FKBP5: variants seen among roughly 807,000 people sequenced by gnomAD.
The protein encoded by FKBP5 is FKBP prolyl isomerase 5.
A neutral mutation model predicts 50.5 loss-of-function variants in FKBP5; 23 were observed. The ratio of observed to expected loss-of-function variants is 0.46; its 90% CI spans 0.33 to 0.65. FKBP5 has a LOEUF of 0.65. FKBP5 is among the 30% of genes least tolerant of loss of function. FKBP5 has a pLI of 0.02. For synonymous variants in FKBP5, 176 were observed against 190.6 expected (o/e 0.92, Z 0.63); for missense variants, 411 against 553.1 (o/e 0.74, Z 2.58).
At chr6:35,589,886 G>A (rs550701275) in intron 7 of FKBP5, among the ~76,000 whole-genome samples, 13 of 152,336 alleles carry the variant, frequency 8.5e-5, no homozygotes, top group African/African-American at 2.2e-4. Flanking sequence ...ACTACTGGGG[G>A]TGAATCCCAA....
intron 2 of FKBP5, among the ~76,000 whole-genome samples, chr6:35,705,594 A>G (rs994520569): frequency 6.6e-6 from 1 of 152,098 alleles, no homozygotes; most frequent in Non-Finnish European, 1.5e-5. Flanking sequence ...AATCATGCAA[A>G]TGAAATAATA....
At chr6:35,712,325 A>G (rs1766430099) in intron 2 of FKBP5, among the ~76,000 whole-genome samples, 1 of 152,068 alleles carries the variant, frequency 6.6e-6, no homozygotes, top group Non-Finnish European at 1.5e-5. Flanking sequence ...CCCTTGCCAC[A>G]GAGTTGTTTG....
chr6:35,603,143 C>A (rs1763199238), intron 5 of FKBP5, among the ~76,000 whole-genome samples: 1 of 152,122 alleles, frequency 6.6e-6, no homozygotes, highest in African/African-American at 2.4e-5. Context: ...TAATCTAGCA[C>A]CTGATATTCA....
intron 5 of FKBP5, among the ~76,000 whole-genome samples, chr6:35,613,467 C>T (rs559434958): frequency 6.6e-6 from 1 of 152,292 alleles, no homozygotes; most frequent in Admixed American, 6.5e-5. Context: ...CTGCCCACCT[C>T]GGCCTCCCAA....
At position 35,716,300 on chromosome 6, in the gene FKBP5, G is replaced by A. The variant is rs965568740; in HGVS notation, c.-20+4028C>T. ...AGGTGGGAGAATCACTTGAGCCCAGGAGTCCAAGGTTGCAGTGAGCTACGA... is the reference window on the plus strand; with the variant it reads ...AGGTGGGAGAATCACTTGAGCCCAGAAGTCCAAGGTTGCAGTGAGCTACGA... On this transcript the variant is annotated intron_variant, in intron 2 of 11. Coordinates refer to the FKBP5 transcript ENST00000536438. Among the ~76,000 whole-genome samples the A allele has an allele frequency of 2.0e-5, 3 of 152,234 alleles. No homozygotes were observed. In the East Asian group the frequency reaches 5.8e-4, roughly 29 times the overall value.
At chr6:35,586,875 C>T in intron 8 of FKBP5, 159 bp downstream of exon 8, 41 of 1,438,290 alleles carry the variant, frequency 2.9e-5, no homozygotes, top group Admixed American at 1.1e-4. Flanking sequence ...TGATTGTTTT[C>T]TCACCATTTT....
intron 1 of FKBP5, among the ~76,000 whole-genome samples, chr6:35,672,263 GA>G (rs368433999): frequency 1.3e-3 from 200 of 151,794 alleles, no homozygotes; most frequent in Middle Eastern, 3.4e-3. Context: ...GAAAAGGGGG[GA>G]AAAAATCCCC....
At chr6:35,720,843 G>A (rs542946959) in intron 1 of FKBP5, among the ~76,000 whole-genome samples, 18 of 152,324 alleles carry the variant, frequency 1.2e-4, no homozygotes, top group African/African-American at 3.4e-4. Context: ...TCCGGGCACT[G>A]TGCTGACCCT....
intron 9 of FKBP5, among the ~76,000 whole-genome samples, chr6:35,578,689 A>G (rs899608234): frequency 2.7e-5 from 4 of 150,298 alleles, no homozygotes; most frequent in African/African-American, 9.8e-5. Context: ...AATCGCTTGA[A>G]CTCGGGAGGT....
chr6:35,583,144 G>C, intron 8 of FKBP5: 1 of 985,408 alleles, frequency 1.0e-6, no homozygotes, highest in East Asian at 1.1e-4. Context: ...AAAAATGTGT[G>C]GGTGGAAATG....
chr6:35,642,672 T>A (rs769273350), intron 2 of FKBP5, 48 bp downstream of exon 2: 11 of 1,460,492 alleles, frequency 7.5e-6, no homozygotes, highest in Non-Finnish European at 1.1e-5. Context: ...GCTATAATCT[T>A]TCCAGACAGC....
chr6:35,682,751 T>C (rs917892111), intron 1 of FKBP5, among the ~76,000 whole-genome samples: 6 of 151,952 alleles, frequency 3.9e-5, no homozygotes, highest in Non-Finnish European at 8.8e-5. Flanking sequence ...TCAAATGTAC[T>C]ACATTTTTAA....
chr6:35,693,750 A>G (rs887035699), upstream of FKBP5, among the ~76,000 whole-genome samples: 5 of 137,822 alleles, frequency 3.6e-5, no homozygotes, highest in Non-Finnish European at 7.9e-5. Flanking sequence ...TGAACTCCTG[A>G]CCTCAGGTGA....
intron 1 of FKBP5, among the ~76,000 whole-genome samples, chr6:35,655,437 C>G (rs886223649): frequency 2.0e-5 from 3 of 152,178 alleles, no homozygotes; most frequent in African/African-American, 7.2e-5. Flanking sequence ...GGTAGAGTAA[C>G]TTGAGGTGAT....
Position 35,574,664 on chromosome 6 carries a change from C to T in FKBP5, c.*1171G>A, listed in dbSNP as rs1332952971. The T allele has an allele frequency of 1.3e-5, 2 of 152,578 alleles. No homozygotes were observed. Among genetic ancestry groups the T allele is most frequent in the Non-Finnish European group, 2.9e-5 (2 of 68,046 alleles). 9.5% of individuals were successfully genotyped at this position (152,578 alleles called of 1,614,324 possible). A position where few individuals can be genotyped will look rare whatever the true frequency, so the allele number is the denominator to read the frequency against. On this transcript the variant is annotated 3_prime_UTR_variant, in exon 11 of 11. Transcript: ENST00000357266. ...TGCGTGTCAAACCTGCAGGTGAAAC[C>T]CCTAGTGTAGAAGAGCAACTATTTA...
At chr6:35,620,305 A>G (rs1763793177) in intron 3 of FKBP5, 31 bp from the exon 4 acceptor site, 3 of 1,595,126 alleles carry the variant, frequency 1.9e-6, no homozygotes, top group Non-Finnish European at 2.6e-6. Flanking sequence ...GTTGAAAGCT[A>G]TAAGCCCTAT....
chr6:35,661,541 T>C (rs111927248), intron 1 of FKBP5, among the ~76,000 whole-genome samples: 19,969 of 80,632 alleles, frequency 0.25, 8,373 homozygotes, highest in African/African-American at 0.56. Context: ...GAGGCTGAGG[T>C]GGGCAGATCA....
At chr6:35,586,953 A>G in intron 8 of FKBP5, 81 bp downstream of exon 8, 1 of 1,594,428 alleles carries the variant, frequency 6.3e-7, no homozygotes, top group South Asian at 1.1e-5. Context: ...GACAAAATTC[A>G]GAGTAGGGAA....
Position 35,662,257 on chromosome 6 carries a change from T to C in FKBP5, c.-19-19414A>G, listed in dbSNP as rs550161769. Reference sequence around the variant, plus strand: ...AGTGGTATGACCTTGTCAAAAACCATGAGCATTTATTTACGTGTCTTTTTT... The same window carrying C: ...AGTGGTATGACCTTGTCAAAAACCACGAGCATTTATTTACGTGTCTTTTTT... On this transcript the variant is annotated intron_variant, in intron 1 of 10. Coordinates refer to ENST00000357266, the MANE Select transcript of FKBP5 (RefSeq NM_004117.4). Among the ~76,000 whole-genome samples the C allele has an allele frequency of 4.1e-5, 6 of 146,260 alleles. No homozygotes were observed. The East Asian group carries it at 1.0e-3, about 25-fold the overall frequency.
Sources: gnomAD v4.1 joint callset for allele counts (sites outside exome capture counted in the v4.1 genomes callset) on GRCh38, gnomAD v4.1.1 for gene constraint, MANE v1.5 for transcripts, NCBI Gene and HGNC (gene_info 2026-07-23, HGNC 2026-07-21) for gene names.